LTBP1: variants seen among roughly 807,000 people sequenced by gnomAD.
LTBP1 encodes the protein latent-transforming growth factor beta-binding protein 1.
A neutral mutation model predicts 207.6 loss-of-function variants in LTBP1; 129 were observed. The ratio of observed to expected loss-of-function variants is 0.62; its 90% CI spans 0.54 to 0.72. LTBP1 has a LOEUF of 0.72. Ranked by LOEUF, LTBP1 falls within the 30% of genes least tolerant of loss-of-function variation. The probability of loss-of-function intolerance (pLI) is 0.00; values close to 1 mark genes in which losing one functional copy is unlikely to be tolerated. For missense variants in LTBP1, 2,281 were observed against 2,217.2 expected (o/e 1.03, Z -0.58); for synonymous variants, 963 against 833.7 (o/e 1.16, Z -2.67).
intron 4 of LTBP1, among the ~76,000 whole-genome samples, chr2:33,120,961 T>C (rs972404151): frequency 4.6e-5 from 7 of 152,172 alleles, no homozygotes; most frequent in African/African-American, 1.4e-4. Context: ...ATATTTAGCA[T>C]GGTATGCAAG....
intron 3 of LTBP1, among the ~76,000 whole-genome samples, chr2:33,072,018 G>A (rs147888990): frequency 1.5e-5 from 2 of 132,204 alleles, no homozygotes; most frequent in African/African-American, 5.1e-5. Context: ...CAGGTTCAGG[G>A]CTCAGTCCCA....
intron 7 of LTBP1, among the ~76,000 whole-genome samples, chr2:33,206,595 C>G (rs567339951): frequency 6.8e-4 from 104 of 152,090 alleles, no homozygotes; most frequent in African/African-American, 2.3e-3. Flanking sequence ...AAAAAACTAG[C>G]CGGGCGTGGT....
intron 5 of LTBP1, among the ~76,000 whole-genome samples, chr2:33,141,336 T>A (rs2082630672): frequency 6.6e-6 from 1 of 152,112 alleles, no homozygotes; most frequent in South Asian, 2.1e-4. Context: ...TTTTGCAAAA[T>A]GAAAAAGTTC....
chr2:33,177,851 G>C (rs1453510178), intron 5 of LTBP1, among the ~76,000 whole-genome samples: 1 of 152,208 alleles, frequency 6.6e-6, no homozygotes, highest in Non-Finnish European at 1.5e-5. Flanking sequence ...AATGTAAACT[G>C]TAGTGGTTAA....
rs1443269523 is a variant in LTBP1, at chr2:33,222,140, C to G, written c.1865C>G (p.Thr622Ser). ...CCGGGTTATAAGCGGGTTAACAACA[C>G]CTTTTGCCAAGGTAAGACTAACTGA... Reference protein sequence around the residue: ...CLPGYKRVNNTFCQDINECQL... With the variant: ...CLPGYKRVNNSFCQDINECQL... The change falls in exon 9 of 34, where the codon ACC becomes AGC. Residue 622 changes from threonine to serine, a missense_variant. Thr to Ser is a moderately conservative substitution (Grantham distance 58). This residue lies in a region of LTBP1 where 1,671 missense variants were observed against 1,634.8 expected (regional missense o/e 1.02). Coordinates refer to ENST00000404816, the MANE Select transcript of LTBP1 (RefSeq NM_206943.4). The G allele has an allele frequency of 5.6e-6, 9 of 1,610,042 alleles. No individual in the cohort carries two copies. The highest frequency in any genetic ancestry group is 7.7e-6 in the Non-Finnish European group (9 of 1,176,234).
At chr2:33,294,495 C>G (rs1346291202) in intron 20 of LTBP1, among the ~76,000 whole-genome samples, 4 of 151,796 alleles carry the variant, frequency 2.6e-5, no homozygotes, top group African/African-American at 7.3e-5. Context: ...CCACACCTGG[C>G]TAGGTCTCTT....
At chr2:33,263,694 C>A (rs1573500931) in intron 15 of LTBP1, among the ~76,000 whole-genome samples, 1 of 152,144 alleles carries the variant, frequency 6.6e-6, no homozygotes, top group Admixed American at 6.5e-5. Flanking sequence ...TGGCTCATGC[C>A]TATAATCCCA....
intron 3 of LTBP1, among the ~76,000 whole-genome samples, chr2:33,022,460 A>G (rs72791760): frequency 0.098 from 14,942 of 152,148 alleles, 950 homozygotes; most frequent in Non-Finnish European, 0.15. Flanking sequence ...AGGGCTTACT[A>G]TGTGCCAGGT....
intron 2 of LTBP1, among the ~76,000 whole-genome samples, chr2:32,962,784 A>G (rs180794917): frequency 8.4e-4 from 128 of 152,350 alleles, no homozygotes; most frequent in Non-Finnish European, 1.1e-3. Context: ...CTCTCAAAGT[A>G]TAGACCCTGG....
chr2:33,100,338 C>G (rs1205765547), intron 3 of LTBP1, among the ~76,000 whole-genome samples: 1 of 151,844 alleles, frequency 6.6e-6, no homozygotes, highest in Non-Finnish European at 1.5e-5. Context: ...AAATGGTTAC[C>G]TAAAAGGGGA....
chr2:33,187,107 G>A (rs541238538), intron 6 of LTBP1, 27 bp downstream of exon 6: 2 of 1,602,068 alleles, frequency 1.2e-6, no homozygotes, highest in Admixed American at 3.3e-5. Context: ...CCGCCCATTT[G>A]CCAGACCTCT....
At chr2:32,963,250 G>C (rs1374883674) in intron 2 of LTBP1, among the ~76,000 whole-genome samples, 1 of 152,122 alleles carries the variant, frequency 6.6e-6, no homozygotes, top group Non-Finnish European at 1.5e-5. Context: ...TGTAACCCAG[G>C]CTGGAGAGTA....
At chr2:32,967,848 G>A (rs565148733) in intron 2 of LTBP1, among the ~76,000 whole-genome samples, 3 of 152,294 alleles carry the variant, frequency 2.0e-5, no homozygotes, top group South Asian at 2.1e-4. Flanking sequence ...TGATGGTTAC[G>A]TTGAATTCCA....
chr2:33,034,603 C>G (rs1558541474), intron 3 of LTBP1, among the ~76,000 whole-genome samples: 1 of 152,114 alleles, frequency 6.6e-6, no homozygotes. Context: ...CTTCCCTGGT[C>G]TGGATACTAT....
At chr2:33,284,320 T>C (rs941703679) in intron 19 of LTBP1, among the ~76,000 whole-genome samples, 18 of 152,374 alleles carry the variant, frequency 1.2e-4, no homozygotes, top group African/African-American at 4.3e-4. Flanking sequence ...CAATAGTTTA[T>C]TATCCACTTC....
At chr2:33,243,916 A>G in intron 10 of LTBP1, 132 bp downstream of exon 10, 1 of 980,522 alleles carries the variant, frequency 1.0e-6, no homozygotes, top group East Asian at 2.5e-5. Flanking sequence ...TAAAATAACA[A>G]GCAAGGGGCC....
rs984923581 is a variant in LTBP1 at position 32,967,212 on chromosome 2, CTTAG to C, written c.565+18272_565+18275del. Among the ~76,000 whole-genome samples, 20 of 151,818 alleles carry C rather than the reference CTTAG, an allele frequency of 1.3e-4. No homozygotes were observed. In the South Asian group the frequency reaches 1.9e-3, roughly 14 times the overall value. On this transcript the variant is annotated intron_variant, in intron 2 of 33. Coordinates refer to ENST00000404816, the MANE Select transcript of LTBP1 (RefSeq NM_206943.4). ...TTAGTAGTTTGTGTCTTCTTTTTTT[CTTAG>C]TTAGCCTGGTTAGAGGCTTATCAAT...
intron 24 of LTBP1, among the ~76,000 whole-genome samples, chr2:33,329,062 A>G (rs910313722): frequency 1.3e-5 from 2 of 152,184 alleles, no homozygotes; most frequent in Non-Finnish European, 2.9e-5. Flanking sequence ...TCTGGGTCAT[A>G]AAATGTATGT....
At chr2:33,021,439 G>A (rs1203448077) in intron 3 of LTBP1, among the ~76,000 whole-genome samples, 1 of 152,094 alleles carries the variant, frequency 6.6e-6, no homozygotes, top group African/African-American at 2.4e-5. Flanking sequence ...TACAACCCAT[G>A]GCAACCATGA....
Sources: gnomAD v4.1 joint callset for allele counts (sites outside exome capture counted in the v4.1 genomes callset) on GRCh38, gnomAD v4.1.1 for gene constraint, gnomAD v4.1.1 regional missense constraint, MANE v1.5 for transcripts, NCBI Gene and HGNC (gene_info 2026-07-23, HGNC 2026-07-21) for gene names.